RARB: variants seen among roughly 807,000 people sequenced by gnomAD.
RARB encodes HBV-activated protein.
RARB carries 17 observed loss-of-function variants against 51.9 expected under a neutral mutation model. The observed-to-expected ratio is 0.33, with a 90% CI of 0.22 to 0.49. RARB has a LOEUF of 0.49. Ranked by LOEUF, RARB falls within the 20% of genes least tolerant of loss-of-function variation. The probability of loss-of-function intolerance (pLI) is 0.99; values close to 1 mark genes in which losing one functional copy is unlikely to be tolerated. For synonymous variants in RARB, 215 were observed against 195.4 expected (o/e 1.10, Z -0.84); for missense variants, 369 against 550.8 (o/e 0.67, Z 3.30).
At chr3:25,335,594 A>G (rs1705039713) in intron 5 of RARB, among the ~76,000 whole-genome samples, 1 of 152,202 alleles carries the variant, frequency 6.6e-6, no homozygotes, top group Admixed American at 6.5e-5. Context: ...GCCCTAGGGT[A>G]ACTGCTAACA....
At chr3:25,571,081 C>G (rs1700692458) in intron 4 of RARB, among the ~76,000 whole-genome samples, 1 of 152,166 alleles carries the variant, frequency 6.6e-6, no homozygotes, top group Non-Finnish European at 1.5e-5. Flanking sequence ...CCCATGGAAT[C>G]TGGGGCCAGC....
Position 24,960,089 on chromosome 3 carries a change from C to A in RARB, c.-379-100036C>A, listed in dbSNP as rs183159078. Among the ~76,000 whole-genome samples, 90 of 152,208 alleles carry A rather than the reference C, an allele frequency of 5.9e-4. 1 individual carries two copies. The Middle Eastern group carries it at 0.02, about 35-fold the overall frequency. On this transcript the variant is annotated intron_variant, in intron 2 of 11. Coordinates refer to the RARB transcript ENST00000383772. ...AAAGATGGAACTGAACATGTGGAGA[C>A]CTCCTCCTCTTCTAGTTTCTCCTAT...
intron 4 of RARB, among the ~76,000 whole-genome samples, chr3:25,144,775 G>A (rs879704447): frequency 6.6e-6 from 1 of 152,148 alleles, no homozygotes; most frequent in East Asian, 1.9e-4. Context: ...ATGCCTGGCC[G>A]ATAGGAGCAT....
intron 1 of RARB, among the ~76,000 whole-genome samples, chr3:25,459,519 T>A (rs1695068641): frequency 6.6e-6 from 1 of 152,188 alleles, no homozygotes; most frequent in Non-Finnish European, 1.5e-5. Context: ...ATTTTAACAT[T>A]TGAACAACTA....
At chr3:25,121,320 A>C (rs1699780047) in intron 3 of RARB, among the ~76,000 whole-genome samples, 1 of 152,154 alleles carries the variant, frequency 6.6e-6, no homozygotes, top group African/African-American at 2.4e-5. Context: ...TAAACCAGAG[A>C]AGCCATAAAG....
intron 2 of RARB, among the ~76,000 whole-genome samples, chr3:25,476,130 C>T (rs957359806): frequency 4.6e-5 from 7 of 152,194 alleles, no homozygotes; most frequent in African/African-American, 1.2e-4. Flanking sequence ...ATCATTTCCA[C>T]TCACAACTCA....
intron 2 of RARB, among the ~76,000 whole-genome samples, chr3:24,963,988 C>A (rs1408643081): frequency 6.6e-6 from 1 of 152,124 alleles, no homozygotes; most frequent in African/African-American, 2.4e-5. Context: ...CCATACCTGA[C>A]AAATGATGTC....
At chr3:25,042,445 C>T (rs1391422107) in intron 2 of RARB, among the ~76,000 whole-genome samples, 1 of 152,234 alleles carries the variant, frequency 6.6e-6, no homozygotes, top group Non-Finnish European at 1.5e-5. Flanking sequence ...TTTGGTTCCA[C>T]AGTCCTTTGC....
intron 5 of RARB, among the ~76,000 whole-genome samples, chr3:25,334,430 C>T (rs969331381): frequency 6.6e-6 from 1 of 152,026 alleles, no homozygotes; most frequent in Non-Finnish European, 1.5e-5. Flanking sequence ...ATTGCAAGGA[C>T]AGAAAAGCAA....
chr3:25,243,111 T>G (rs920673123), intron 5 of RARB, among the ~76,000 whole-genome samples: 1 of 152,194 alleles, frequency 6.6e-6, no homozygotes, highest in Non-Finnish European at 1.5e-5. Context: ...TCCCTGTTTG[T>G]CTATAATTGG....
chr3:25,114,731 C>T (rs555517057), intron 3 of RARB, among the ~76,000 whole-genome samples: 3 of 152,264 alleles, frequency 2.0e-5, no homozygotes, highest in East Asian at 1.9e-4. Context: ...AGGTTGCTGT[C>T]GGAACACCTT....
rs540264875 is a variant in RARB, at chr3:25,333,016, A to G, written c.179-128177A>G. Among the ~76,000 whole-genome samples, 1,318 of 152,206 alleles carry G rather than the reference A, an allele frequency of 8.7e-3. 8 individuals carry two copies. The highest frequency in any genetic ancestry group is 0.024 in the Middle Eastern group (7 of 294). ...GGAGAACTACAAACCACTGCTCAAC[A>G]AAATAAAAGAGGACACAAACAAATG... On this transcript the variant is annotated intron_variant, in intron 5 of 11. Coordinates refer to the RARB transcript ENST00000383772.
chr3:25,542,923 G>T (rs1442678543), intron 3 of RARB, among the ~76,000 whole-genome samples: 1 of 152,078 alleles, frequency 6.6e-6, no homozygotes, highest in South Asian at 2.1e-4. Context: ...CACATAGTTA[G>T]TGGTGGTGGT....
chr3:24,984,832 C>T (rs1391624766), intron 2 of RARB, among the ~76,000 whole-genome samples: 1 of 152,200 alleles, frequency 6.6e-6, no homozygotes, highest in Non-Finnish European at 1.5e-5. Flanking sequence ...TACAGCAAAA[C>T]ATCATGTTGT....
intron 1 of RARB, among the ~76,000 whole-genome samples, chr3:24,847,135 C>G (rs531297517): frequency 6.6e-6 from 1 of 152,202 alleles, no homozygotes; most frequent in Non-Finnish European, 1.5e-5. Context: ...AATCTGGGAC[C>G]ACACCGAATC....
intron 3 of RARB, among the ~76,000 whole-genome samples, chr3:25,088,031 G>A (rs1575154846): frequency 6.6e-6 from 1 of 152,026 alleles, no homozygotes; most frequent in African/African-American, 2.4e-5. Flanking sequence ...CAAGAAGGTT[G>A]TAAAGGACAG....
chr3:25,098,525 G>A (rs1006744673), intron 3 of RARB, among the ~76,000 whole-genome samples: 4 of 152,188 alleles, frequency 2.6e-5, no homozygotes, highest in Non-Finnish European at 2.9e-5. Context: ...CTTCTTCATT[G>A]TAAAGGATTG....
chr3:25,143,719 C>G (rs931527165), intron 4 of RARB, among the ~76,000 whole-genome samples: 3 of 152,194 alleles, frequency 2.0e-5, no homozygotes, highest in Admixed American at 1.3e-4. Flanking sequence ...AGTATGCGTA[C>G]TTTGGAATTA....
chr3:25,287,215 G>C (rs796289139), intron 5 of RARB, among the ~76,000 whole-genome samples: 1 of 152,086 alleles, frequency 6.6e-6, no homozygotes, highest in African/African-American at 2.4e-5. Flanking sequence ...TTGAACTCTG[G>C]TGTCGCTCCC....
Sources: gnomAD v4.1 joint callset for allele counts (sites outside exome capture counted in the v4.1 genomes callset) on GRCh38, gnomAD v4.1.1 for gene constraint, MANE v1.5 for transcripts, NCBI Gene and HGNC (gene_info 2026-07-23, HGNC 2026-07-21) for gene names.